The following DRC8 variants were observed in gnomAD, a reference collection of about 807,000 sequenced individuals.
The protein encoded by DRC8 is dynein regulatory complex subunit 8.
the DRC8 span, chr1:245,124,597 A>T: frequency 6.6e-6 from 1 of 152,222 alleles, no homozygotes; most frequent in Non-Finnish European, 1.5e-5. Flanking sequence ...GTTCCTATAG[A>T]TACAATTTCT....
At chr1:244,970,870 T>C in the DRC8 span, 1 of 228,418 alleles carries the variant, frequency 4.4e-6, no homozygotes, top group East Asian at 1.0e-4. Context: ...GCGTCGTTGT[T>C]CACGGTCGCG....
At chr1:245,025,225 T>A in the DRC8 span, among the ~76,000 whole-genome samples, 3 of 152,184 alleles carry the variant, frequency 2.0e-5, no homozygotes, top group East Asian at 5.8e-4. Flanking sequence ...AGAAGATAAT[T>A]TTTCCATGTA....
At chr1:245,048,130 C>T in the DRC8 span, among the ~76,000 whole-genome samples, 1 of 152,024 alleles carries the variant, frequency 6.6e-6, no homozygotes, top group Non-Finnish European at 1.5e-5. Context: ...GTGGCAGAGG[C>T]AGGAGAAAAT....
At chr1:245,087,605 G>T in the DRC8 span, 1 of 1,089,988 alleles carries the variant, frequency 9.2e-7, no homozygotes, top group Non-Finnish European at 1.1e-6. Context: ...ACATTAGAAT[G>T]GATTGTTGTT....
the DRC8 span, chr1:245,083,415 T>C: frequency 6.2e-7 from 1 of 1,606,216 alleles, no homozygotes; most frequent in South Asian, 1.1e-5. Context: ...TACCACGGCA[T>C]TTACTCATTT....
chr1:245,084,294 C>T, the DRC8 span, among the ~76,000 whole-genome samples: 1 of 152,004 alleles, frequency 6.6e-6, no homozygotes, highest in Non-Finnish European at 1.5e-5. Context: ...GTTGGCCAGG[C>T]TGGTCTCGAA....
At chr1:245,066,198 G>A in the DRC8 span, among the ~76,000 whole-genome samples, 2 of 151,986 alleles carry the variant, frequency 1.3e-5, no homozygotes, top group Non-Finnish European at 2.9e-5. Flanking sequence ...TTTCTTTACT[G>A]CAATTTTAAT....
chr1:245,113,078 C>G, the DRC8 span, among the ~76,000 whole-genome samples: 2 of 152,162 alleles, frequency 1.3e-5, no homozygotes, highest in Non-Finnish European at 2.9e-5. Flanking sequence ...GAGTGTGATT[C>G]TTACAGTAGT....
the DRC8 span, among the ~76,000 whole-genome samples, chr1:244,979,316 T>A: frequency 2.1e-5 from 3 of 140,970 alleles, no homozygotes; most frequent in African/African-American, 8.0e-5. Context: ...TTTTTTTTTT[T>A]TTTTTTGAGA....
chr1:245,115,091 T>C, the DRC8 span, among the ~76,000 whole-genome samples: 2 of 152,106 alleles, frequency 1.3e-5, no homozygotes, highest in Non-Finnish European at 2.9e-5. Context: ...CGCTCTGTCA[T>C]CCAGGCTGGA....
At chr1:244,970,050 G>A in the DRC8 span, 35 of 627,646 alleles carry the variant, frequency 5.6e-5, 1 homozygote, top group African/African-American at 4.6e-4. Context: ...AGGGGTGTGT[G>A]CGCGCGCGTG....
the DRC8 span, among the ~76,000 whole-genome samples, chr1:245,118,652 G>A: frequency 3.3e-5 from 5 of 152,086 alleles, no homozygotes; most frequent in African/African-American, 9.6e-5. Flanking sequence ...TTAGCCTGGC[G>A]TGGTGGTGCA....
the DRC8 span, among the ~76,000 whole-genome samples, chr1:245,011,474 G>A: frequency 8.7e-4 from 132 of 152,336 alleles, no homozygotes; most frequent in Middle Eastern, 3.4e-3. Context: ...AGCAAACACC[G>A]GACTTTCAGT....
At chr1:245,033,721 T>C in the DRC8 span, among the ~76,000 whole-genome samples, 10 of 152,062 alleles carry the variant, frequency 6.6e-5, no homozygotes, top group Non-Finnish European at 1.2e-4. Context: ...TCCTTTCCTT[T>C]CTTTCTTTCT....
At chr1:245,047,635 C>CAA in the DRC8 span, among the ~76,000 whole-genome samples, 56,310 of 103,258 alleles carry the variant, frequency 0.55, 16,591 homozygotes, top group East Asian at 0.7. Context: ...ACTCCATCTC[C>CAA]AAAAAAAAAA....
At chr1:245,001,469 G>A in the DRC8 span, among the ~76,000 whole-genome samples, 3 of 152,188 alleles carry the variant, frequency 2.0e-5, no homozygotes, top group Non-Finnish European at 2.9e-5. Context: ...GTTTCCAGGG[G>A]CAGAGCTTAT....
At chr1:245,081,185 G>A in the DRC8 span, among the ~76,000 whole-genome samples, 3 of 147,990 alleles carry the variant, frequency 2.0e-5, no homozygotes, top group Admixed American at 6.8e-5. Flanking sequence ...TTTTTGAGAC[G>A]GAGTCTCGCT....
the DRC8 span, among the ~76,000 whole-genome samples, chr1:244,982,278 C>G: frequency 2.6e-5 from 4 of 152,052 alleles, no homozygotes; most frequent in Non-Finnish European, 5.9e-5. Flanking sequence ...AAAAACAGCC[C>G]GAAGAGACAA....
the DRC8 span, among the ~76,000 whole-genome samples, chr1:245,048,986 CTT>C: frequency 0.012 from 1,600 of 137,834 alleles, 18 homozygotes; most frequent in African/African-American, 0.04. Context: ...TTTTTCTTTT[CTT>C]TTTTTTTTTT....
Sources: allele counts gnomAD v4.1 joint callset (sites outside exome capture counted in the v4.1 genomes callset), GRCh38; gene constraint gnomAD v4.1.1; transcripts MANE v1.5; gene names NCBI Gene and HGNC (gene_info 2026-07-23, HGNC 2026-07-21).